Variants in CTIF observed in about 807,000 individuals in gnomAD.
CTIF encodes the protein cap binding complex dependent translation initiation factor.
In CTIF, 21 loss-of-function variants were observed where a neutral mutation model predicts 66.0. The ratio of observed to expected loss-of-function variants is 0.32; its 90% CI spans 0.23 to 0.46. The LOEUF is 0.46. Among genes scored for constraint, CTIF ranks in the 20% least tolerant of loss-of-function variants. The pLI, the probability that CTIF is intolerant of heterozygous loss-of-function variation, is 1.00. For synonymous variants in CTIF, 345 were observed against 326.4 expected (o/e 1.06, Z -0.62); for missense variants, 739 against 812.7 (o/e 0.91, Z 1.10).
chr18:48,592,906 C>T (rs183629670), intron 1 of CTIF, among the ~76,000 whole-genome samples: 9 of 152,298 alleles, frequency 5.9e-5, no homozygotes, highest in Admixed American at 2.0e-4. Flanking sequence ...CCTCTTGTTC[C>T]GGAGAGGCAG....
intron 1 of CTIF, among the ~76,000 whole-genome samples, chr18:48,593,189 G>A (rs111878534): frequency 3.1e-3 from 466 of 152,270 alleles, no homozygotes; most frequent in African/African-American, 0.011. Flanking sequence ...AGAAATGCCC[G>A]GGAGACCCTC....
At chr18:48,756,893 T>C (rs1472955207) in intron 7 of CTIF, among the ~76,000 whole-genome samples, 1 of 152,238 alleles carries the variant, frequency 6.6e-6, no homozygotes, top group Non-Finnish European at 1.5e-5. Context: ...ACACCCATCA[T>C]GTTAAATATT....
chr18:48,724,947 G>A (rs1436954672), intron 7 of CTIF, among the ~76,000 whole-genome samples: 1 of 152,260 alleles, frequency 6.6e-6, no homozygotes, highest in Admixed American at 6.5e-5. Flanking sequence ...GGAGGATTTG[G>A]TGGACAAAAG....
chr18:48,797,242 G>A (rs2067941570), intron 9 of CTIF, among the ~76,000 whole-genome samples: 1 of 152,188 alleles, frequency 6.6e-6, no homozygotes, highest in South Asian at 2.1e-4. Context: ...TAACACTTTG[G>A]GAGGCCGAGG....
rs113258788 is a variant in CTIF at position 48,545,210 on chromosome 18, G to A, written c.-29+5898G>A. Among the ~76,000 whole-genome samples the A allele has an allele frequency of 5.9e-3, 892 of 152,314 alleles. 6 individuals are homozygous for A. The Middle Eastern group carries it at 0.065, about 11-fold the overall frequency. Reference sequence around the variant, plus strand: ...AAGCAGTGAGGTCAAATGCAAAGGCGGAGATGCAGACAGCGCTCAGAGTGG... The same window carrying A: ...AAGCAGTGAGGTCAAATGCAAAGGCAGAGATGCAGACAGCGCTCAGAGTGG... On this transcript the variant is annotated intron_variant, in intron 1 of 11. Transcript: ENST00000256413.
chr18:48,686,499 C>T (rs978546796), intron 6 of CTIF, among the ~76,000 whole-genome samples: 2 of 152,104 alleles, frequency 1.3e-5, no homozygotes, highest in Admixed American at 6.5e-5. Flanking sequence ...AAGCCAAGAT[C>T]GGGACCTAGG....
At chr18:48,550,162 G>A (rs1418457447) in intron 1 of CTIF, among the ~76,000 whole-genome samples, 1 of 152,166 alleles carries the variant, frequency 6.6e-6, no homozygotes, top group Non-Finnish European at 1.5e-5. Context: ...GGGTTCTGTG[G>A]TCTGTTCTCC....
At chr18:48,854,309 T>G (rs2069276413) in intron 10 of CTIF, among the ~76,000 whole-genome samples, 1 of 151,956 alleles carries the variant, frequency 6.6e-6, no homozygotes, top group Non-Finnish European at 1.5e-5. Context: ...CCTTAAAGGA[T>G]GGAGAGAGGA....
At chr18:48,560,429 G>A (rs1333726850) in intron 1 of CTIF, among the ~76,000 whole-genome samples, 1 of 152,060 alleles carries the variant, frequency 6.6e-6, no homozygotes, top group Non-Finnish European at 1.5e-5. Flanking sequence ...GTTTCACTGT[G>A]TTAGGCAGGA....
intron 10 of CTIF, among the ~76,000 whole-genome samples, chr18:48,838,914 C>T (rs939723313): frequency 2.0e-5 from 3 of 152,158 alleles, no homozygotes; most frequent in Non-Finnish European, 4.4e-5. Context: ...CGGGCCTGCC[C>T]ACCAGCCCCT....
chr18:48,849,582 C>CTTTT (rs377281281), intron 10 of CTIF, among the ~76,000 whole-genome samples: 6 of 114,434 alleles, frequency 5.2e-5, no homozygotes, highest in African/African-American at 1.1e-4. Flanking sequence ...CCATTTTAAA[C>CTTTT]TTTTTTTTTT....
intron 9 of CTIF, among the ~76,000 whole-genome samples, chr18:48,803,676 C>G (rs2068089401): frequency 6.6e-6 from 1 of 152,180 alleles, no homozygotes; most frequent in Non-Finnish European, 1.5e-5. Context: ...CAGGGAACCC[C>G]ATCACCACAG....
At chr18:48,672,097 C>T (rs1186892410) in intron 6 of CTIF, among the ~76,000 whole-genome samples, 1 of 143,586 alleles carries the variant, frequency 7.0e-6, no homozygotes, top group African/African-American at 2.6e-5. Flanking sequence ...CTTGACTGCT[C>T]CTTGGAGTAT....
intron 9 of CTIF, among the ~76,000 whole-genome samples, chr18:48,792,349 G>T (rs2067812769): frequency 6.6e-6 from 1 of 152,192 alleles, no homozygotes; most frequent in Non-Finnish European, 1.5e-5. Context: ...GGGATGCTGG[G>T]ATCTATAGGC....
Position 48,763,065 on chromosome 18 carries a change from C to T in CTIF, c.1371+1376C>T, listed in dbSNP as rs1047792673. On this transcript the variant is annotated intron_variant, in intron 9 of 11. Transcript: ENST00000256413. ...GGATTTGCACATGGGGCATGTTCCT[C>T]GCGGGCCGGAATGTCCTGGGAGCGT... 4.6e-5 allele frequency among the ~76,000 whole-genome samples: 7 copies of T among 152,366 alleles called. No homozygotes were observed. In the South Asian group the frequency reaches 1.0e-3, roughly 23 times the overall value.
chr18:48,612,200 A>C (rs1405897955), intron 1 of CTIF, among the ~76,000 whole-genome samples: 2 of 152,210 alleles, frequency 1.3e-5, no homozygotes, highest in African/African-American at 4.8e-5. Flanking sequence ...GGGGAAGTAC[A>C]TTCTCGCTGG....
At chr18:48,664,599 G>A (rs770219270) in intron 5 of CTIF, 48 bp downstream of exon 5, 45 of 1,538,968 alleles carry the variant, frequency 2.9e-5, no homozygotes, top group South Asian at 5.6e-5. Flanking sequence ...GGCAGGGGAC[G>A]GGAGTGGCCT....
At chr18:48,776,952 G>A (rs1370822844) in intron 9 of CTIF, among the ~76,000 whole-genome samples, 2 of 152,232 alleles carry the variant, frequency 1.3e-5, no homozygotes, top group African/African-American at 4.8e-5. Context: ...CTTCTACCCT[G>A]ATGGTGGCTT....
rs1439301772 is a variant in CTIF at position 48,860,985 on chromosome 18, C to T, written c.*1426C>T. The T allele has an allele frequency of 6.6e-5, 10 of 152,368 alleles. No homozygotes were observed. Among genetic ancestry groups the T allele is most frequent in the Admixed American group, 2.0e-4 (3 of 15,302 alleles). 9.4% of individuals were successfully genotyped at this position (152,368 alleles called of 1,614,324 possible). A position where few individuals can be genotyped will look rare whatever the true frequency, so the allele number is the denominator to read the frequency against. ...GAGCACACACTTTGATGAGCCCCCC[C>T]GGAAATGATGTCAGAGCCTAGCCGC... On this transcript the variant is annotated 3_prime_UTR_variant, in exon 12 of 12. Transcript: ENST00000256413.
Sources: gnomAD v4.1 joint callset for allele counts (sites outside exome capture counted in the v4.1 genomes callset) on GRCh38, gnomAD v4.1.1 for gene constraint, MANE v1.5 for transcripts, NCBI Gene and HGNC (gene_info 2026-07-23, HGNC 2026-07-21) for gene names.